The following NOMO1 variants were observed in gnomAD, a reference collection of about 807,000 sequenced individuals.
NOMO1 encodes NODAL modulator 1.
NOMO1 carries 40 observed loss-of-function variants against 133.8 expected under a neutral mutation model. The observed-to-expected ratio is 0.30, with a 90% CI of 0.23 to 0.39. The LOEUF is 0.39. Ranked by LOEUF, NOMO1 falls within the 10% of genes least tolerant of loss-of-function variation. The pLI, the probability that NOMO1 is intolerant of heterozygous loss-of-function variation, is 1.00. For synonymous variants in NOMO1, 236 were observed against 570.5 expected (o/e 0.41, Z 8.36); for missense variants, 462 against 1,419.9 (o/e 0.33, Z 10.84).
At chr16:14,858,620 A>G (rs558369713) in intron 11 of NOMO1, among the ~76,000 whole-genome samples, 3 of 152,216 alleles carry the variant, frequency 2.0e-5, no homozygotes, top group African/African-American at 7.2e-5. Flanking sequence ...ACTGAAGCAG[A>G]ATATACTGGC....
chr16:14,846,549 T>G (rs1963684426), intron 4 of NOMO1, 28 bp from the exon 5 acceptor site: 1 of 699,364 alleles, frequency 1.4e-6, no homozygotes, highest in Non-Finnish European at 2.4e-6. Context: ...CTTTGCTGGG[T>G]GGGCCCTAAC....
At chr16:14,860,937 C>T (rs1180523839) in intron 11 of NOMO1, among the ~76,000 whole-genome samples, 1 of 149,280 alleles carries the variant, frequency 6.7e-6, no homozygotes, top group Admixed American at 6.7e-5. Context: ...TCACTGCAGC[C>T]TCCGCCTCTC....
In NOMO1 at chr16:14,838,501, G is replaced by A; in HGVS notation, c.255+5G>A. On this transcript the variant is annotated splice_donor_5th_base_variant and intron_variant, in intron 2 of 30. Transcript: ENST00000287667. ...ATGATCCCTTTGTATGATAAGGTAA[G>A]AGGGGACTGCTTGTCACTTATGATG... 1.9e-6 allele frequency: 3 copies of A among 1,611,772 alleles called. No individual in the cohort carries two copies. The highest frequency in any genetic ancestry group is 1.3e-5 in the African/African-American group (1 of 74,856).
chr16:14,886,825 T>C lies in NOMO1; in HGVS notation c.3287T>C (p.Leu1096Pro). Residue 1096 changes from leucine to proline, a missense_variant, in exon 28 of 31, where the codon CTG becomes CCG. Coordinates refer to ENST00000287667, the MANE Select transcript of NOMO1 (RefSeq NM_014287.4). ...CAGACAGTTTCCCTTGGCCAGTCCC[T>C]GTTCTTCCATTTCCCCCCACTGCTC... is the stretch of plus-strand genomic sequence containing the variant. ...PIQTVSLGQS[L>P]FFHFPPLLRD... 6.2e-7 allele frequency: 1 copy of C among 1,611,804 alleles called. No individual in the cohort carries two copies. Among genetic ancestry groups the C allele is most frequent in the Non-Finnish European group, 8.5e-7 (1 of 1,179,838 alleles).
intron 29 of NOMO1, among the ~76,000 whole-genome samples, chr16:14,891,654 T>TA (rs1688684415): frequency 1.3e-5 from 2 of 151,586 alleles, no homozygotes; most frequent in Non-Finnish European, 2.9e-5. Flanking sequence ...GCTATCCAGT[T>TA]ACCATTTCAT....
intron 29 of NOMO1, among the ~76,000 whole-genome samples, chr16:14,890,380 C>T (rs1239597951): frequency 6.8e-6 from 1 of 147,418 alleles, no homozygotes; most frequent in Non-Finnish European, 1.5e-5. Context: ...CTCATAGCTA[C>T]TGTGTTGGTT....
intron 14 of NOMO1, among the ~76,000 whole-genome samples, chr16:14,866,312 G>A (rs62038471): frequency 3.3e-5 from 5 of 149,494 alleles, no homozygotes; most frequent in South Asian, 2.1e-4. Context: ...CAAGTGCGTC[G>A]GCCTCCCAGA....
intron 18 of NOMO1, 106 bp from the exon 19 acceptor site, chr16:14,874,930 A>T: frequency 2.3e-6 from 2 of 884,324 alleles, no homozygotes. Context: ...TGGTGTCATG[A>T]TAAGATGTCC....
At chr16:14,891,959 G>T (rs1964411107) in intron 29 of NOMO1, among the ~76,000 whole-genome samples, 1 of 152,090 alleles carries the variant, frequency 6.6e-6, no homozygotes, top group African/African-American at 2.4e-5. Flanking sequence ...TGCCGGAGAG[G>T]GCTAGGTGTG....
intron 8 of NOMO1, 73 bp downstream of exon 8, chr16:14,853,677 G>T: frequency 1.2e-6 from 2 of 1,609,292 alleles, no homozygotes; most frequent in East Asian, 2.2e-5. Flanking sequence ...TGCTGTTTGG[G>T]TGTTAAAGGA....
intron 18 of NOMO1, among the ~76,000 whole-genome samples, chr16:14,873,406 G>A (rs1200853905): frequency 2.2e-5 from 3 of 136,802 alleles, no homozygotes; most frequent in South Asian, 4.9e-4. Flanking sequence ...TAGTGGCTGC[G>A]GAGATGGAGA....
chr16:14,860,569 G>A (rs1447368961), intron 11 of NOMO1, among the ~76,000 whole-genome samples: 3 of 151,892 alleles, frequency 2.0e-5, no homozygotes, highest in East Asian at 1.9e-4. Flanking sequence ...GCTGGCAGGC[G>A]AGGGAGCGAG....
rs550619546 is a variant in NOMO1 at position 14,873,668 on chromosome 16, A to G, written c.2054+1339A>G. On this transcript the variant is annotated intron_variant, in intron 18 of 30. Coordinates refer to ENST00000287667, the MANE Select transcript of NOMO1 (RefSeq NM_014287.4). ...CTACCTTCTTACCAGTAGTAACTGC[A>G]TATTACCTCCTTTCAGCTTGATTAC... Among the ~76,000 whole-genome samples, 18 of 151,562 alleles carry G rather than the reference A, an allele frequency of 1.2e-4. 1 individual carries two copies. Among genetic ancestry groups the G allele is most frequent in the African/African-American group, 3.7e-4 (15 of 41,088 alleles).
At chr16:14,873,422 G>A (rs1332958348) in intron 18 of NOMO1, among the ~76,000 whole-genome samples, 1 of 138,446 alleles carries the variant, frequency 7.2e-6, no homozygotes, top group African/African-American at 2.6e-5. Flanking sequence ...GGAGAGCGAC[G>A]GACTGGTCGG....
rs778398010 is a variant in NOMO1 at position 14,862,968 on chromosome 16, T to C, written c.1221-45T>C. On this transcript the variant is annotated intron_variant, in intron 11 of 30. Transcript: ENST00000287667. ...TTTGGTCTATAAGAGCCTTTCCTGT[T>C]ATAATTGAGTCCTCGTGCTGGAATG... 26 of 1,610,324 alleles carry C rather than the reference T, an allele frequency of 1.6e-5. 1 individual carries two copies. In the South Asian group the frequency reaches 2.9e-4, roughly 18 times the overall value.
At chr16:14,885,898 GA>G (rs1964316507) in intron 27 of NOMO1, among the ~76,000 whole-genome samples, 1 of 151,898 alleles carries the variant, frequency 6.6e-6, no homozygotes, top group African/African-American at 2.4e-5. Flanking sequence ...TGTTATAGAA[GA>G]AAAAAGAACA....
At position 14,874,796 on chromosome 16, in the gene NOMO1, C is replaced by A. The variant is rs997139961; in HGVS notation, c.2055-240C>A. Among the ~76,000 whole-genome samples the A allele has an allele frequency of 9.1e-4, 139 of 152,024 alleles. 2 individuals are homozygous for A. The highest frequency in any genetic ancestry group is 3.4e-3 in the Middle Eastern group (1 of 294). On this transcript the variant is annotated intron_variant, in intron 18 of 30. Coordinates refer to ENST00000287667, the MANE Select transcript of NOMO1 (RefSeq NM_014287.4). ...GAAGCTACAAGCTTATATCCAGTCG[C>A]CATAAAATCAACCGTATTTCATTCC...
intron 15 of NOMO1, 106 bp downstream of exon 15, chr16:14,866,797 C>T (rs189524829): frequency 6.2e-7 from 1 of 1,605,886 alleles, no homozygotes; most frequent in African/African-American, 1.4e-5. Context: ...AGTTAGATTT[C>T]CTTTTCTGCC....
intron 9 of NOMO1, among the ~76,000 whole-genome samples, chr16:14,855,962 A>T (rs1963827438): frequency 6.6e-6 from 1 of 152,114 alleles, no homozygotes; most frequent in Non-Finnish European, 1.5e-5. Context: ...ACCATCACTA[A>T]GAAACCATTT....
Sources: gnomAD v4.1 joint callset for allele counts (sites outside exome capture counted in the v4.1 genomes callset) on GRCh38, gnomAD v4.1.1 for gene constraint, MANE v1.5 for transcripts, NCBI Gene and HGNC (gene_info 2026-07-23, HGNC 2026-07-21) for gene names.